The following TMPO variants were observed in gnomAD, a reference collection of about 807,000 sequenced individuals.
TMPO encodes the protein thymopoietin, also known as LEM domain containing 4.
In TMPO, 22 loss-of-function variants were observed where a neutral mutation model predicts 45.4. The ratio of observed to expected loss-of-function variants is 0.48; its 90% confidence interval spans 0.35 to 0.69. The LOEUF (loss-of-function observed/expected upper bound fraction) is 0.69, where lower values mean the gene tolerates loss of function less well. TMPO is among the 30% of genes least tolerant of loss of function. TMPO has a pLI of 0.01. For missense variants in TMPO, 512 were observed against 548.8 expected, an observed-to-expected ratio of 0.93 and a Z score of 0.67; for synonymous variants, 241 against 204.1, an observed-to-expected ratio of 1.18 and a Z score of -1.54.
chr12:98,517,828 C>T (rs1355326551), intron 1 of TMPO, among the ~76,000 whole-genome samples: 2 of 152,204 alleles, frequency 1.3e-5, no homozygotes, highest in Non-Finnish European at 2.9e-5. Flanking sequence ...CGTTATGTTT[C>T]CCTGCTCTGA....
Position 98,534,819 on chromosome 12 carries a change from A to T in TMPO, c.566-2656A>T, listed in dbSNP as rs1468656026. On this transcript the variant is annotated intron_variant, in intron 3 of 8. Coordinates refer to ENST00000556029, the MANE Select transcript of TMPO (RefSeq NM_001032283.3). ...ATAACTTGTCCATATTTTTGCTCAT[A>T]TTTTCTTACTTTTCTTTGTTATTTA... 3.0e-6 allele frequency: 3 copies of T among 1,001,578 alleles called. No homozygotes were observed. The African/African-American group carries it at 5.2e-5, about 17-fold the overall frequency. 62.0% of individuals were successfully genotyped at this position (1,001,578 alleles called of 1,614,324 possible). A position where few individuals can be genotyped will look rare whatever the true frequency, so the allele number is the denominator to read the frequency against.
intron 7 of TMPO, among the ~76,000 whole-genome samples, chr12:98,546,068 A>G (rs192570852): frequency 7.2e-5 from 11 of 152,340 alleles, no homozygotes; most frequent in South Asian, 2.1e-4. Flanking sequence ...AACAAAATCA[A>G]TGAGGGAATT....
chr12:98,545,126 T>TTTG (rs1421676028), intron 7 of TMPO, 65 bp downstream of exon 7: 1 of 1,205,656 alleles, frequency 8.3e-7, no homozygotes, highest in Non-Finnish European at 1.2e-6. Flanking sequence ...TAAATATTTG[T>TTTG]TTGTTTTTTT....
Position 98,531,748 on chromosome 12 carries a change from TCTA to T in TMPO, c.478_480del (p.Thr160del). ...GGAACAAGGAACAGAATCAAGATCT[TCTA>T]CTCCTCTGCCAACAATTTCTTCTTC... On this transcript the variant is annotated inframe_deletion, in exon 3 of 9. Coordinates refer to ENST00000556029, the MANE Select transcript of TMPO (RefSeq NM_001032283.3). 6.2e-7 allele frequency: 1 copy of T among 1,613,792 alleles called. No homozygotes were observed. Among genetic ancestry groups the T allele is most frequent in the Admixed American group, 1.7e-5 (1 of 60,010 alleles).
At chr12:98,527,779 T>G (rs1209904786) in intron 1 of TMPO, 107 bp from the exon 2 acceptor site, 1 of 1,339,928 alleles carries the variant, frequency 7.5e-7, no homozygotes. Context: ...CTAATATTAC[T>G]ATAAACCAAT....
At chr12:98,540,693 TTTTAA>T (rs1163496656) in intron 4 of TMPO, among the ~76,000 whole-genome samples, 1 of 152,238 alleles carries the variant, frequency 6.6e-6, no homozygotes, top group Non-Finnish European at 1.5e-5. Context: ...TATGTTTTAA[TTTTAA>T]TTTAAATTAA....
chr12:98,525,867 A>G (rs1047056893), intron 1 of TMPO, among the ~76,000 whole-genome samples: 13 of 152,318 alleles, frequency 8.5e-5, no homozygotes, highest in Admixed American at 3.9e-4. Flanking sequence ...ATTATTGGAA[A>G]GTGAGCATTC....
At position 98,515,839 on chromosome 12, in the gene TMPO, G is replaced by T; in HGVS notation, c.-29G>T. On this transcript the variant is annotated 5_prime_UTR_variant, in exon 1 of 9. Coordinates refer to ENST00000556029, the MANE Select transcript of TMPO (RefSeq NM_001032283.3). ...GGCGTGAGCGGCGGCGGCAAAGGCT[G>T]TGGGGAGGGGGCTTCGCAGATCCCC... The T allele has an allele frequency of 6.3e-7, 1 of 1,599,774 alleles. No individual in the cohort carries two copies. The highest frequency in any genetic ancestry group is 8.5e-7 in the Non-Finnish European group (1 of 1,173,912).
intron 1 of TMPO, among the ~76,000 whole-genome samples, chr12:98,521,097 G>A (rs908218261): frequency 2.0e-5 from 2 of 100,400 alleles, no homozygotes; most frequent in Non-Finnish European, 2.2e-5. Flanking sequence ...GGGTTTATGA[G>A]GAATTTTTTT....
At position 98,547,829 on chromosome 12, in the gene TMPO, C is replaced by T; in HGVS notation, c.1336C>T (p.Leu446Phe). The T allele has an allele frequency of 6.2e-7, 1 of 1,614,004 alleles. No individual in the cohort carries two copies. Among genetic ancestry groups the T allele is most frequent in the Non-Finnish European group, 8.5e-7 (1 of 1,180,004 alleles). ...CCAAGTAAATCCCTTCTCTAATTTT[C>T]TTCATGTTGACCCTAGAAAATCCAA... Reference protein sequence around the residue: ...TNQVNPFSNFLHVDPRKSN With the variant: ...TNQVNPFSNFFHVDPRKSN The change falls in exon 9 of 9, where the codon CTT (leucine) becomes TTT (phenylalanine). Residue 446 changes from leucine (L) to phenylalanine (F), a missense_variant. Leu to Phe is a conservative substitution (Grantham distance 22). Around this residue, in one of 3 missense-constraint regions of TMPO, gnomAD observed 209 missense variants for 235.1 expected, o/e 0.89. Transcript: ENST00000556029.
intron 1 of TMPO, among the ~76,000 whole-genome samples, chr12:98,526,686 G>A (rs112773557): frequency 0.13 from 19,843 of 152,122 alleles, 2,174 homozygotes; most frequent in African/African-American, 0.3. Flanking sequence ...CTGGCCGGGC[G>A]CAGTGGCTCA....
At position 98,533,143 on chromosome 12, in the gene TMPO, T is replaced by G. The variant is rs201730568; in HGVS notation, c.565+1305T>G. On this transcript the variant is annotated intron_variant, in intron 3 of 8. Transcript: ENST00000556029. ...TTTAGAGAAAAGTTCTTCGTCATCTTCTCAGCCTGAACACAGTGCCATGTT... is the reference window on the plus strand; with the variant it reads ...TTTAGAGAAAAGTTCTTCGTCATCTGCTCAGCCTGAACACAGTGCCATGTT... 5.0e-6 allele frequency: 8 copies of G among 1,614,068 alleles called. No individual in the cohort carries two copies. The highest frequency in any genetic ancestry group is 5.9e-6 in the Non-Finnish European group (7 of 1,180,048).
At chr12:98,516,478 C>T in intron 1 of TMPO, 1 of 1,115,076 alleles carries the variant, frequency 9.0e-7, no homozygotes, top group Non-Finnish European at 1.1e-6. Context: ...CTTCCGTGCC[C>T]TTTCGAAAGC....
At chr12:98,545,127 T>G in intron 7 of TMPO, 66 bp downstream of exon 7, 1 of 1,215,020 alleles carries the variant, frequency 8.2e-7, no homozygotes, top group South Asian at 1.4e-5. Flanking sequence ...AAATATTTGT[T>G]TGTTTTTTTT....
chr12:98,525,026 T>A (rs1380989032), intron 1 of TMPO, among the ~76,000 whole-genome samples: 3 of 152,232 alleles, frequency 2.0e-5, no homozygotes, highest in African/African-American at 7.2e-5. Flanking sequence ...TGATTGATTG[T>A]TTTTCCATGT....
At chr12:98,534,135 A>T (rs377465206) in intron 3 of TMPO, 6 of 1,613,818 alleles carry the variant, frequency 3.7e-6, no homozygotes, top group Admixed American at 1.7e-5. Context: ...ATGCAGCCTC[A>T]TATATTTGTG....
At chr12:98,545,603 AT>A (rs1188500927) in intron 7 of TMPO, among the ~76,000 whole-genome samples, 1 of 152,004 alleles carries the variant, frequency 6.6e-6, no homozygotes, top group African/African-American at 2.4e-5. Context: ...TAAACATTAT[AT>A]TTTTTTTAAT....
chr12:98,522,570 A>G (rs1168922455), intron 1 of TMPO, among the ~76,000 whole-genome samples: 1 of 152,214 alleles, frequency 6.6e-6, no homozygotes, highest in Non-Finnish European at 1.5e-5. Context: ...TAGCTACTTA[A>G]TCAGATTGAG....
intron 6 of TMPO, 123 bp from the exon 7 acceptor site, chr12:98,544,828 T>C (rs574855677): frequency 1.2e-6 from 1 of 822,808 alleles, no homozygotes; most frequent in Admixed American, 2.0e-5. Context: ...GTAGGCTGTG[T>C]TGCTTAAATC....
Sources: allele counts gnomAD v4.1 joint callset (sites outside exome capture counted in the v4.1 genomes callset), GRCh38; gene constraint gnomAD v4.1.1; regional missense constraint gnomAD v4.1.1; transcripts MANE v1.5; gene names NCBI Gene and HGNC (gene_info 2026-07-23, HGNC 2026-07-21).